The following SLC9C2 variants were observed in gnomAD, a reference collection of about 807,000 sequenced individuals.
SLC9C2 encodes sodium/hydrogen exchanger 11.
In SLC9C2, 75 loss-of-function variants were observed where a neutral mutation model predicts 140.2. That is an observed-to-expected ratio of 0.53 (90% CI 0.44 to 0.65). SLC9C2 has a LOEUF of 0.65. Ranked by LOEUF, SLC9C2 falls within the 30% of genes least tolerant of loss-of-function variation. The pLI is 0.00. For missense variants in SLC9C2, 1,074 were observed against 1,331.8 expected (o/e 0.81, Z 3.01); for synonymous variants, 375 against 420.9 (o/e 0.89, Z 1.34).
intron 7 of SLC9C2, among the ~76,000 whole-genome samples, chr1:173,579,205 G>C (rs1221049250): frequency 6.6e-6 from 1 of 152,158 alleles, no homozygotes; most frequent in Non-Finnish European, 1.5e-5. Context: ...CTCTGCTGGT[G>C]ACAGCTACAA....
chr1:173,597,907 C>G lies in SLC9C2; in HGVS notation c.354G>C (p.Trp118Cys), dbSNP rs78264456. ...VEFYTLKKMF[W>C]QVLLTGLISF... ...TTTGTTTTAAATGTGTTCTTACCTGCCAAAACATTTTCTTGAGTGTATAAA... is the reference window on the plus strand; with the variant it reads ...TTTGTTTTAAATGTGTTCTTACCTGGCAAAACATTTTCTTGAGTGTATAAA... The change falls in exon 4 of 28, where the codon TGG becomes TGC. Residue 118 changes from tryptophan to cysteine, a missense_variant. Physicochemically the swap from Trp to Cys is radical, Grantham distance 215. Coordinates refer to ENST00000367714, the MANE Select transcript of SLC9C2 (RefSeq NM_178527.4). 6.5e-4 allele frequency: 1,030 copies of G among 1,580,140 alleles called. 6 individuals carry two copies. In the African/African-American group the frequency reaches 0.013, roughly 20 times the overall value.
intron 10 of SLC9C2, 93 bp from the exon 11 acceptor site, chr1:173,554,907 T>C (rs1663564858): frequency 1.3e-6 from 1 of 780,114 alleles, no homozygotes; most frequent in Non-Finnish European, 2.1e-6. Flanking sequence ...CAAAATTCTA[T>C]TAATATCTTA....
intron 8 of SLC9C2, among the ~76,000 whole-genome samples, chr1:173,575,915 T>C (rs1274118141): frequency 2.0e-5 from 3 of 152,064 alleles, no homozygotes; most frequent in Admixed American, 2.0e-4. Context: ...GAAAAGAAAA[T>C]ACCATCTTCT....
At chr1:173,547,182 C>A (rs1662910382) in intron 13 of SLC9C2, among the ~76,000 whole-genome samples, 1 of 151,952 alleles carries the variant, frequency 6.6e-6, no homozygotes, top group African/African-American at 2.4e-5. Flanking sequence ...TACAATTTGA[C>A]AAGCTGGTAT....
At chr1:173,551,423 CT>C (rs535377196) in intron 11 of SLC9C2, among the ~76,000 whole-genome samples, 98 of 152,196 alleles carry the variant, frequency 6.4e-4, no homozygotes, top group Non-Finnish European at 1.2e-3. Context: ...TGTGCTTTAC[CT>C]TATTGTGCTT....
At chr1:173,506,806 T>C in intron 25 of SLC9C2, 50 bp downstream of exon 25, 2 of 1,494,676 alleles carry the variant, frequency 1.3e-6, no homozygotes, top group Non-Finnish European at 9.1e-7. Context: ...TAAAGTCACT[T>C]TTGGAGCACC....
intron 25 of SLC9C2, 48 bp from the exon 26 acceptor site, chr1:173,505,379 T>G: frequency 4.3e-6 from 6 of 1,399,502 alleles, no homozygotes; most frequent in Non-Finnish European, 6.1e-6. Flanking sequence ...CTTTGATCTC[T>G]AACCTGGCTG....
intron 18 of SLC9C2, among the ~76,000 whole-genome samples, chr1:173,528,247 C>T (rs1341139527): frequency 6.6e-6 from 1 of 152,198 alleles, no homozygotes; most frequent in Non-Finnish European, 1.5e-5. Flanking sequence ...CATCTAAACA[C>T]ATCTCAAAAG....
intron 9 of SLC9C2, among the ~76,000 whole-genome samples, chr1:173,570,509 C>T (rs1172265441): frequency 6.6e-6 from 1 of 152,138 alleles, no homozygotes; most frequent in African/African-American, 2.4e-5. Flanking sequence ...CTGCTTGAGG[C>T]TGTGGGAGGG....
At chr1:173,580,444 C>T (rs562032638) in intron 7 of SLC9C2, among the ~76,000 whole-genome samples, 3 of 152,216 alleles carry the variant, frequency 2.0e-5, no homozygotes, top group African/African-American at 7.2e-5. Context: ...CTCTGCCTCC[C>T]GGGTACAAGG....
In SLC9C2 at chr1:173,524,851, T is replaced by C; in HGVS notation, c.2442A>G (p.Lys814=). The C allele has an allele frequency of 6.2e-7, 1 of 1,614,100 alleles. No individual in the cohort carries two copies. Among genetic ancestry groups the C allele is most frequent in the Non-Finnish European group, 8.5e-7 (1 of 1,179,976 alleles). The part of the protein sequence containing the change: ...TKQAIRNVIA[K]ALKNLTFLCS... Reference sequence around the variant, plus strand: ...AAAGGAAGGTGAGATTTTTTAGAGCTTTAGCAATCACATTCCGGATTGCCT... The same window carrying C: ...AAAGGAAGGTGAGATTTTTTAGAGCCTTAGCAATCACATTCCGGATTGCCT... The change falls in exon 20 of 28, where the codon AAA becomes AAG. Residue 814 remains lysine (K), a synonymous_variant. Transcript: ENST00000367714.
intron 23 of SLC9C2, among the ~76,000 whole-genome samples, chr1:173,517,203 A>G (rs12744267): frequency 0.17 from 25,398 of 152,270 alleles, 2,267 homozygotes; most frequent in East Asian, 0.31. Flanking sequence ...CACTGTTGTC[A>G]TAATGGTGAC....
At chr1:173,572,860 A>G (rs1664921525) in intron 9 of SLC9C2, among the ~76,000 whole-genome samples, 1 of 152,226 alleles carries the variant, frequency 6.6e-6, no homozygotes, top group Non-Finnish European at 1.5e-5. Flanking sequence ...ACATGCATAC[A>G]AACTACCTGA....
At chr1:173,522,533 CAATGTTTT>C (rs1313036704) in intron 21 of SLC9C2, among the ~76,000 whole-genome samples, 2 of 152,158 alleles carry the variant, frequency 1.3e-5, no homozygotes, top group Non-Finnish European at 1.5e-5. Flanking sequence ...ACACTTAAAA[CAATGTTTT>C]AATGTTTTTT....
At chr1:173,515,304 T>C (rs7550581) in intron 23 of SLC9C2, among the ~76,000 whole-genome samples, 46,887 of 152,078 alleles carry the variant, frequency 0.31, 9,886 homozygotes, top group African/African-American at 0.61. Context: ...CAATCAATCA[T>C]AGCTTTGTTC....
At chr1:173,555,154 C>A in intron 10 of SLC9C2, 1 of 179,782 alleles carries the variant, frequency 5.6e-6, no homozygotes, top group Admixed American at 6.1e-5. Flanking sequence ...GGCTGTGGAA[C>A]CTGCAGGGTG....
chr1:173,524,136 AC>A (rs772533147), intron 20 of SLC9C2, 42 bp from the exon 21 acceptor site: 1 of 1,545,168 alleles, frequency 6.5e-7, no homozygotes, highest in South Asian at 1.2e-5. Context: ...AGATCCTGTA[AC>A]AGAAAATGGA....
At chr1:173,576,971 T>C (rs563386304) in intron 7 of SLC9C2, among the ~76,000 whole-genome samples, 1 of 152,346 alleles carries the variant, frequency 6.6e-6, no homozygotes, top group South Asian at 2.1e-4. Flanking sequence ...GTGTTTGTGA[T>C]GCATACAGCC....
chr1:173,590,174 C>T (rs191739901), intron 4 of SLC9C2, among the ~76,000 whole-genome samples: 105 of 148,682 alleles, frequency 7.1e-4, no homozygotes, highest in Non-Finnish European at 9.7e-4. Flanking sequence ...ACCCAGGAAG[C>T]GGAGGTCACA....
Sources: allele counts gnomAD v4.1 joint callset (sites outside exome capture counted in the v4.1 genomes callset), GRCh38; gene constraint gnomAD v4.1.1; transcripts MANE v1.5; gene names NCBI Gene and HGNC (gene_info 2026-07-23, HGNC 2026-07-21).